Variants in ENAH observed in about 807,000 individuals in gnomAD.
ENAH encodes the protein ENAH actin regulator.
Under a neutral mutation model 78.7 loss-of-function variants are expected in ENAH, and 23 were observed. The ratio of observed to expected loss-of-function variants is 0.29; its 90% CI spans 0.21 to 0.41. ENAH has a LOEUF of 0.41. Among genes scored for constraint, ENAH ranks in the 10% least tolerant of loss-of-function variants. ENAH has a pLI of 1.00. For missense variants in ENAH, 544 were observed against 691.0 expected (o/e 0.79, Z 2.39); for synonymous variants, 226 against 241.0 (o/e 0.94, Z 0.58).
At chr1:225,638,935 GAACTA>G (rs1371596407) in intron 1 of ENAH, among the ~76,000 whole-genome samples, 4 of 152,252 alleles carry the variant, frequency 2.6e-5, no homozygotes, top group Admixed American at 6.5e-5. Context: ...ATCCGCTAAT[GAACTA>G]AACATTTATA....
intron 1 of ENAH, among the ~76,000 whole-genome samples, chr1:225,602,297 A>C (rs959088730): frequency 5.3e-5 from 8 of 152,162 alleles, no homozygotes; most frequent in African/African-American, 1.9e-4. Context: ...GATTCTACTA[A>C]GCTTTTAAGA....
chr1:225,602,824 A>C (rs1428227867), intron 1 of ENAH, among the ~76,000 whole-genome samples: 1 of 152,088 alleles, frequency 6.6e-6, no homozygotes, highest in Non-Finnish European at 1.5e-5. Context: ...AAGAACCAAA[A>C]CAATCCACAA....
At chr1:225,589,177 A>G (rs2096863094) in intron 1 of ENAH, among the ~76,000 whole-genome samples, 1 of 152,192 alleles carries the variant, frequency 6.6e-6, no homozygotes, top group South Asian at 2.1e-4. Flanking sequence ...TGACATGGGA[A>G]GGAGCTTCAG....
At chr1:225,503,039 A>C (rs1575308300) in intron 11 of ENAH, among the ~76,000 whole-genome samples, 1 of 152,366 alleles carries the variant, frequency 6.6e-6, no homozygotes, top group East Asian at 1.9e-4. Context: ...TAGGCAATGC[A>C]AAAATTATTG....
intron 1 of ENAH, among the ~76,000 whole-genome samples, chr1:225,629,215 T>C (rs1251128804): frequency 6.6e-6 from 1 of 151,736 alleles, no homozygotes; most frequent in Non-Finnish European, 1.5e-5. Context: ...GAGGCAGAGG[T>C]TGCAGTGAGC....
intron 2 of ENAH, among the ~76,000 whole-genome samples, chr1:225,563,451 C>G (rs1558821327): frequency 6.6e-6 from 1 of 152,190 alleles, no homozygotes; most frequent in Non-Finnish European, 1.5e-5. Context: ...ATCAGCTTAA[C>G]AAGATTAATT....
chr1:225,598,889 A>G (rs1408220085), intron 1 of ENAH, among the ~76,000 whole-genome samples: 1 of 152,120 alleles, frequency 6.6e-6, no homozygotes, highest in Non-Finnish European at 1.5e-5. Context: ...TCACTGAGTT[A>G]GGGAGTGTTA....
At chr1:225,615,844 T>G (rs1344717282) in intron 1 of ENAH, among the ~76,000 whole-genome samples, 1 of 152,012 alleles carries the variant, frequency 6.6e-6, no homozygotes, top group African/African-American at 2.4e-5. Flanking sequence ...AACAGCTCAT[T>G]GAGAACGGGC....
At position 225,497,671 on chromosome 1, in the gene ENAH, C is replaced by A; in HGVS notation, c.*104G>T. ...CCCTCCTTCTGTTTGTCTCCATTTT[C>A]TTCTTACAGCTCATAAATGTAGGGG... On this transcript the variant is annotated 3_prime_UTR_variant, in exon 14 of 14. Transcript: ENST00000366843. The A allele has an allele frequency of 8.6e-7, 1 of 1,161,978 alleles. No individual in the cohort carries two copies. The allele number at this position is 1,161,978 out of a possible 1,614,324, so 72.0% of individuals were successfully genotyped here.
chr1:225,623,584 TG>T (rs1223361471), intron 1 of ENAH, among the ~76,000 whole-genome samples: 4 of 109,062 alleles, frequency 3.7e-5, no homozygotes, highest in Non-Finnish European at 5.2e-5. Flanking sequence ...GTTTTTTTGT[TG>T]GGTTTTTTTT....
At chr1:225,561,890 T>C (rs993667691) in intron 2 of ENAH, among the ~76,000 whole-genome samples, 1 of 152,076 alleles carries the variant, frequency 6.6e-6, no homozygotes, top group Non-Finnish European at 1.5e-5. Context: ...TCTTATCCTG[T>C]CTATGAGGTC....
chr1:225,641,591 T>C (rs1661073464), intron 1 of ENAH, among the ~76,000 whole-genome samples: 1 of 151,948 alleles, frequency 6.6e-6, no homozygotes, highest in Non-Finnish European at 1.5e-5. Context: ...AACTCAGTAT[T>C]ACCGAAGATA....
chr1:225,609,046 T>C (rs1206680285), intron 1 of ENAH, among the ~76,000 whole-genome samples: 2 of 152,064 alleles, frequency 1.3e-5, no homozygotes, highest in Non-Finnish European at 2.9e-5. Flanking sequence ...CCATGCTTTA[T>C]TTCTAAGGGA....
chr1:225,604,249 A>C (rs1336852491), intron 1 of ENAH, among the ~76,000 whole-genome samples: 1 of 152,192 alleles, frequency 6.6e-6, no homozygotes, highest in African/African-American at 2.4e-5. Flanking sequence ...TCTGGACATA[A>C]TCAAAGTCCA....
chr1:225,500,460 A>G (rs1356311562), intron 12 of ENAH, among the ~76,000 whole-genome samples: 14 of 152,252 alleles, frequency 9.2e-5, no homozygotes, highest in Admixed American at 9.2e-4. Flanking sequence ...TGAAGCCTAC[A>G]GAGCCTCTAC....
intron 1 of ENAH, among the ~76,000 whole-genome samples, chr1:225,579,550 C>A (rs558026753): frequency 6.6e-6 from 1 of 152,236 alleles, no homozygotes; most frequent in South Asian, 2.1e-4. Flanking sequence ...AAGACAAAAT[C>A]TGTGGGAAAC....
chr1:225,572,877 G>A (rs970250830), intron 1 of ENAH, among the ~76,000 whole-genome samples: 1 of 152,194 alleles, frequency 6.6e-6, no homozygotes, highest in African/African-American at 2.4e-5. Flanking sequence ...ATCTTCTGAT[G>A]TTAATTTTGG....
chr1:225,579,674 T>G (rs1410689257), intron 1 of ENAH, among the ~76,000 whole-genome samples: 2 of 152,180 alleles, frequency 1.3e-5, no homozygotes, highest in East Asian at 1.9e-4. Flanking sequence ...CTACTCCAAC[T>G]TTGTTACTAC....
intron 3 of ENAH, among the ~76,000 whole-genome samples, chr1:225,530,884 C>T (rs2096534310): frequency 6.6e-6 from 1 of 152,086 alleles, no homozygotes; most frequent in Non-Finnish European, 1.5e-5. Flanking sequence ...GAAAAAGAAA[C>T]ATTTATATAT....
Sources: gnomAD v4.1 joint callset for allele counts (sites outside exome capture counted in the v4.1 genomes callset) on GRCh38, gnomAD v4.1.1 for gene constraint, MANE v1.5 for transcripts, NCBI Gene and HGNC (gene_info 2026-07-23, HGNC 2026-07-21) for gene names.